The following ST7L variants were observed in gnomAD, a reference collection of about 807,000 sequenced individuals.
The protein encoded by ST7L is suppression of tumorigenicity 7 like, also known as suppressor of tumorigenicity 7 protein-like.
A neutral mutation model predicts 72.5 loss-of-function variants in ST7L; 57 were observed. The ratio of observed to expected loss-of-function variants is 0.79; its 90% CI spans 0.64 to 0.98. The LOEUF (loss-of-function observed/expected upper bound fraction) is 0.98, where lower values mean the gene tolerates loss of function less well. ST7L is among the 50% of genes least tolerant of loss of function. The pLI, the probability that ST7L is intolerant of heterozygous loss-of-function variation, is 0.00. For missense variants in ST7L, 576 were observed against 672.2 expected, an observed-to-expected ratio of 0.86 and a Z score of 1.58; for synonymous variants, 221 against 240.9, an observed-to-expected ratio of 0.92 and a Z score of 0.77.
chr1:112,599,073 A>AAAAAAATATATATATAT (rs1190968815), intron 4 of ST7L, among the ~76,000 whole-genome samples: 16 of 56,990 alleles, frequency 2.8e-4, no homozygotes, highest in East Asian at 9.3e-4. Flanking sequence ...AAAAAAAAAA[A>AAAAAAATATATATATAT]ATATATATAT....
At chr1:112,599,059 C>CAAAAAAAAAAAA (rs761424885) in intron 4 of ST7L, among the ~76,000 whole-genome samples, 6 of 5,200 alleles carry the variant, frequency 1.2e-3, no homozygotes, top group Admixed American at 3.4e-3. Context: ...GACTCAGCCT[C>CAAAAAAAAAAAA]AAAAAAAAAA....
intron 14 of ST7L, chr1:112,539,857 G>C: frequency 1.3e-5 from 13 of 985,100 alleles, no homozygotes; most frequent in Non-Finnish European, 1.6e-5. Flanking sequence ...AAATGTGGCT[G>C]TAAAAGTTTA....
chr1:112,567,131 T>A (rs776521776), intron 11 of ST7L, among the ~76,000 whole-genome samples: 7 of 152,234 alleles, frequency 4.6e-5, no homozygotes, highest in Non-Finnish European at 8.8e-5. Flanking sequence ...GTCTTTTAAA[T>A]TTTAGTCATT....
intron 14 of ST7L, among the ~76,000 whole-genome samples, chr1:112,536,094 A>G (rs1260752374): frequency 6.6e-6 from 1 of 152,232 alleles, no homozygotes; most frequent in Non-Finnish European, 1.5e-5. Flanking sequence ...ACTCAGATTT[A>G]TAACTGTGGA....
intron 5 of ST7L, among the ~76,000 whole-genome samples, chr1:112,596,550 G>C (rs1203172231): frequency 6.6e-6 from 1 of 152,190 alleles, no homozygotes. Context: ...GCTCAGAACA[G>C]TGCCTGGCAC....
chr1:112,603,998 A>G (rs1214165368), intron 3 of ST7L, among the ~76,000 whole-genome samples: 1 of 152,196 alleles, frequency 6.6e-6, no homozygotes, highest in Non-Finnish European at 1.5e-5. Flanking sequence ...CCCAAAATTC[A>G]TGTCTTTCAT....
rs1653285078 is a variant in ST7L, at chr1:112,525,776, T to A, written c.*237A>T. The A allele has an allele frequency of 1.2e-5, 6 of 484,386 alleles. No homozygotes were observed. The highest frequency in any genetic ancestry group is 2.1e-5 in the Non-Finnish European group (6 of 285,776). The allele number at this position is 484,386 out of a possible 1,614,324, so 30.0% of individuals were successfully genotyped here. A position where few individuals can be genotyped will look rare whatever the true frequency, so the allele number is the denominator to read the frequency against. On this transcript the variant is annotated 3_prime_UTR_variant, in exon 15 of 15. Coordinates refer to ENST00000358039, the MANE Select transcript of ST7L (RefSeq NM_017744.5). ...AGTAGCCCTGGCCAAACAGAAAGGC[T>A]AAGCTGAATGAAGAAAAAAGGAAGA...
intron 11 of ST7L, among the ~76,000 whole-genome samples, chr1:112,574,141 TCTTGAG>T (rs1384442660): frequency 1.3e-5 from 2 of 149,656 alleles, no homozygotes; most frequent in Non-Finnish European, 3.0e-5. Flanking sequence ...GGTCTTGAAC[TCTTGAG>T]CTTAGGCGAT....
rs753848341 is a variant in ST7L, at chr1:112,610,907, T to G, written c.385A>C (p.Ser129Arg). ...LQPLMGGTES[S>R]ISEPGSPSRN... ...GAAGGAGAACCTGGTTCTGAAATGC[T>G]GCTCTCTGTTCCTCCCATCAGTGGT... Residue 129 changes from serine (S) to arginine (R), a missense_variant, in exon 3 of 15, where the codon AGC (serine) becomes CGC (arginine). Ser to Arg is a moderately radical substitution (Grantham distance 110, BLOSUM62 -1). This residue lies in a region of ST7L where 511 missense variants were observed against 600.7 expected (regional missense o/e 0.85). Coordinates refer to ENST00000358039, the MANE Select transcript of ST7L (RefSeq NM_017744.5). The G allele has an allele frequency of 6.2e-6, 10 of 1,614,138 alleles. No homozygotes were observed. In the Middle Eastern group the frequency reaches 4.9e-4, roughly 80 times the overall value.
intron 6 of ST7L, among the ~76,000 whole-genome samples, chr1:112,585,368 C>T (rs1161075144): frequency 2.0e-5 from 3 of 152,172 alleles, no homozygotes; most frequent in Non-Finnish European, 2.9e-5. Context: ...TAAAAATGCA[C>T]AACGAATTTT....
intron 12 of ST7L, among the ~76,000 whole-genome samples, chr1:112,555,433 C>A (rs957708705): frequency 6.6e-6 from 1 of 151,992 alleles, no homozygotes; most frequent in African/African-American, 2.4e-5. Flanking sequence ...GGCATGGTGG[C>A]AGGCGCCTGT....
chr1:112,616,708 A>C (rs1669937950), intron 2 of ST7L, 105 bp downstream of exon 2: 4 of 719,574 alleles, frequency 5.6e-6, no homozygotes, highest in South Asian at 3.2e-5. Flanking sequence ...ATGCCACTGC[A>C]CTCCAGCCTG....
At chr1:112,573,919 T>G (rs1662598841) in intron 11 of ST7L, among the ~76,000 whole-genome samples, 1 of 141,356 alleles carries the variant, frequency 7.1e-6, no homozygotes, top group African/African-American at 2.6e-5. Context: ...TGTTTTTTTT[T>G]TTTTTTTTTT....
At chr1:112,609,126 A>G (rs780559827) in intron 3 of ST7L, among the ~76,000 whole-genome samples, 26 of 152,168 alleles carry the variant, frequency 1.7e-4, no homozygotes, top group Non-Finnish European at 3.5e-4. Flanking sequence ...CAGGAGTTCG[A>G]GACCAGCCTG....
chr1:112,603,039 G>A (rs1433114508), intron 3 of ST7L, among the ~76,000 whole-genome samples: 1 of 151,912 alleles, frequency 6.6e-6, no homozygotes, highest in Non-Finnish European at 1.5e-5. Flanking sequence ...TCTTAAAAAT[G>A]AACTGAGTCT....
intron 9 of ST7L, among the ~76,000 whole-genome samples, chr1:112,578,843 T>C (rs1663584771): frequency 6.6e-6 from 1 of 152,130 alleles, no homozygotes; most frequent in South Asian, 2.1e-4. Flanking sequence ...TCAATAGTTA[T>C]ATAGGAAAAA....
intron 6 of ST7L, among the ~76,000 whole-genome samples, chr1:112,589,923 C>T (rs1157383555): frequency 6.6e-6 from 1 of 152,188 alleles, no homozygotes; most frequent in Non-Finnish European, 1.5e-5. Context: ...CATGTGGGAG[C>T]TTTTTAGAGC....
chr1:112,565,211 A>ATTTTTTTTTTTTT (rs777969643), intron 11 of ST7L, among the ~76,000 whole-genome samples: 29 of 57,952 alleles, frequency 5.0e-4, no homozygotes, highest in African/African-American at 1.1e-3. Flanking sequence ...TGTTCGGCTA[A>ATTTTTTTTTTTTT]TTTTTTTTTT....
At chr1:112,619,218 G>T, upstream of ST7L, 1 of 1,114,472 alleles carries the variant, frequency 9.0e-7, no homozygotes, top group Non-Finnish European at 1.3e-6. Flanking sequence ...CTCTGTGAAG[G>T]CTGAGTCCTG....
Sources: allele counts gnomAD v4.1 joint callset (sites outside exome capture counted in the v4.1 genomes callset), GRCh38; gene constraint gnomAD v4.1.1; regional missense constraint gnomAD v4.1.1; transcripts MANE v1.5; gene names NCBI Gene and HGNC (gene_info 2026-07-23, HGNC 2026-07-21).